The following VANGL2 variants were observed in gnomAD, a reference collection of about 807,000 sequenced individuals.
VANGL2 encodes VANGL planar cell polarity protein 2, also known as vang-like protein 2.
Under a neutral mutation model 50.2 loss-of-function variants are expected in VANGL2, and 14 were observed. The observed-to-expected ratio is 0.28, with a 90% CI of 0.18 to 0.44. The LOEUF is 0.44. VANGL2 is among the 20% of genes least tolerant of loss of function. The pLI is 1.00. For synonymous variants in VANGL2, 295 were observed against 297.2 expected (o/e 0.99, Z 0.08); for missense variants, 533 against 701.5 (o/e 0.76, Z 2.71).
At chr1:160,421,292 A>C (rs998146599) in intron 6 of VANGL2, 105 bp downstream of exon 6, 7 of 1,465,684 alleles carry the variant, frequency 4.8e-6, no homozygotes, top group Non-Finnish European at 4.7e-6. Flanking sequence ...CAATGATGAC[A>C]TGAGTTGGGG....
chr1:160,415,939 C>T (rs376795895), intron 2 of VANGL2, 31 bp downstream of exon 2: 122 of 1,614,038 alleles, frequency 7.6e-5, no homozygotes, highest in Non-Finnish European at 9.6e-5. Flanking sequence ...ACATGCGTGG[C>T]GGAGGGAGGG....
intron 3 of VANGL2, among the ~76,000 whole-genome samples, chr1:160,417,060 A>G (rs1651087647): frequency 6.6e-6 from 1 of 152,050 alleles, no homozygotes; most frequent in African/African-American, 2.4e-5. Flanking sequence ...ACCCTGAGAC[A>G]TGACCAGCTC....
intron 1 of VANGL2, among the ~76,000 whole-genome samples, chr1:160,413,498 G>A (rs1003027043): frequency 6.6e-6 from 1 of 151,988 alleles, no homozygotes; most frequent in Non-Finnish European, 1.5e-5. Context: ...TCCTGACCTC[G>A]TGATCCACCC....
At position 160,419,386 on chromosome 1, in the gene VANGL2, G is replaced by T. The variant is rs770440603; in HGVS notation, c.577G>T (p.Val193Leu). 3 of 1,612,346 alleles carry T rather than the reference G, an allele frequency of 1.9e-6. No individual in the cohort carries two copies. Among genetic ancestry groups the T allele is most frequent in the Non-Finnish European group, 1.7e-6 (2 of 1,180,022 alleles). ...GCTTATGGTGCTGGTTTTCCTGCTC[G>T]TGGTCTCCTACTGGCTCTTCTATGG... ...ALLMVLVFLL[V>L]VSYWLFYGVR... Residue 193 changes from valine (V) to leucine (L), a missense_variant, in exon 4 of 8, where the codon GTG becomes TTG. Val to Leu is a conservative substitution (Grantham distance 32). Transcript: ENST00000368061. This position sits in a 1 kb window ranked among gnomAD's most constrained non-coding sequence, Gnocchi z 5.8.
At chr1:160,413,284 G>GT (rs11401620) in intron 1 of VANGL2, among the ~76,000 whole-genome samples, 48,932 of 144,860 alleles carry the variant, frequency 0.34, 8,160 homozygotes, top group Middle Eastern at 0.36. Context: ...TCCATTTTAG[G>GT]TTTTTTTTTT....
Position 160,425,600 on chromosome 1 carries a change from TC to T in VANGL2, c.*225del. On this transcript the variant is annotated 3_prime_UTR_variant, in exon 8 of 8. Coordinates refer to ENST00000368061, the MANE Select transcript of VANGL2 (RefSeq NM_020335.3). The stretch of plus-strand genomic sequence containing the variant: ...GCTGTCAACAGTACCTGGGAAGGAC[TC>T]CCACCTCACCAACAACTTTTGTATT... 1.8e-6 allele frequency: 1 copy of T among 560,288 alleles called. No homozygotes were observed. The highest frequency in any genetic ancestry group is 3.1e-6 in the Non-Finnish European group (1 of 317,586). The allele number at this position is 560,288 out of a possible 1,614,324, so 34.7% of individuals were successfully genotyped here. A position where few individuals can be genotyped will look rare whatever the true frequency, so the allele number is the denominator to read the frequency against.
chr1:160,414,867 G>A (rs770944073), intron 1 of VANGL2, among the ~76,000 whole-genome samples: 42 of 152,010 alleles, frequency 2.8e-4, no homozygotes, highest in Non-Finnish European at 4.9e-4. Context: ...TTAGAGAGAG[G>A]AGAGGTCATT....
intron 2 of VANGL2, 44 bp from the exon 3 acceptor site, chr1:160,416,018 T>C: frequency 6.2e-7 from 1 of 1,614,092 alleles, no homozygotes; most frequent in Non-Finnish European, 8.5e-7. Context: ...AAGACCCTGG[T>C]CCACCACTGG....
Position 160,419,822 on chromosome 1 carries a change from T to C in VANGL2, c.800+213T>C, listed in dbSNP as rs984636598. ...GTACACGGTCTTGGGGCAAGATCAG[T>C]TGGGAGTTATGAGATGGGAATGAAT... On this transcript the variant is annotated intron_variant, in intron 4 of 7. Coordinates refer to ENST00000368061, the MANE Select transcript of VANGL2 (RefSeq NM_020335.3). The surrounding 1 kb of genome is among the most constrained non-coding windows in gnomAD (Gnocchi z 5.8). 1.4e-5 allele frequency among the ~76,000 whole-genome samples: 2 copies of C among 148,058 alleles called. No homozygotes were observed. Among genetic ancestry groups the C allele is most frequent in the African/African-American group, 5.0e-5 (2 of 39,856 alleles).
At position 160,421,259 on chromosome 1, in the gene VANGL2, C is replaced by A. The variant is rs552561534; in HGVS notation, c.1073+72C>A. 22 of 1,580,626 alleles carry A rather than the reference C, an allele frequency of 1.4e-5. No homozygotes were observed. In the African/African-American group the frequency reaches 2.7e-4, roughly 19 times the overall value. On this transcript the variant is annotated intron_variant, in intron 6 of 7. Coordinates refer to ENST00000368061, the MANE Select transcript of VANGL2 (RefSeq NM_020335.3). ...TGGGGAGAGGAAGACCAAGGAACTT[C>A]TGTAACTGCTGGAAATATAGGGCAA...
chr1:160,412,348 C>G (rs1650908888), intron 1 of VANGL2, among the ~76,000 whole-genome samples: 2 of 151,968 alleles, frequency 1.3e-5, no homozygotes, highest in Admixed American at 6.6e-5. Context: ...TCTCCACCCC[C>G]TTCTCTACCC....
chr1:160,413,805 A>G (rs767805204), intron 1 of VANGL2, among the ~76,000 whole-genome samples: 3 of 152,060 alleles, frequency 2.0e-5, no homozygotes, highest in Non-Finnish European at 4.4e-5. Flanking sequence ...ATCTATCCCC[A>G]TAGCTTTTCA....
chr1:160,419,227 C>T lies in VANGL2; in HGVS notation c.418C>T (p.Pro140Ser). ...ACTGCTGTGGCGGGAGGAGCTGGAGCCTTGCGGGACGGCCTGCGAGGGCCT... is the reference window on the plus strand; with the variant it reads ...ACTGCTGTGGCGGGAGGAGCTGGAGTCTTGCGGGACGGCCTGCGAGGGCCT... ...PPLLWREELE[P>S]CGTACEGLFI... Residue 140 changes from proline to serine, a missense_variant, in exon 4 of 8, where the codon CCT (proline) becomes TCT (serine). Transcript: ENST00000368061. This position sits in a 1 kb window ranked among gnomAD's most constrained non-coding sequence, Gnocchi z 5.8. 6.2e-7 allele frequency: 1 copy of T among 1,610,352 alleles called. No individual in the cohort carries two copies. Among genetic ancestry groups the T allele is most frequent in the African/African-American group, 1.3e-5 (1 of 75,016 alleles).
At chr1:160,416,894 G>T (rs1367353518) in intron 3 of VANGL2, among the ~76,000 whole-genome samples, 2 of 152,286 alleles carry the variant, frequency 1.3e-5, no homozygotes, top group South Asian at 2.1e-4. Flanking sequence ...TTGGGGGCTG[G>T]AGATTCCCAG....
At chr1:160,414,657 A>G (rs1650991500) in intron 1 of VANGL2, among the ~76,000 whole-genome samples, 1 of 152,158 alleles carries the variant, frequency 6.6e-6, no homozygotes, top group Non-Finnish European at 1.5e-5. Context: ...TACCTAGCAG[A>G]ATACATGGTT....
In VANGL2 at chr1:160,424,277, G is replaced by A. The variant is rs756021386; in HGVS notation, c.1299G>A (p.Thr433=). Residue 433 remains threonine (T), a synonymous_variant, in exon 7 of 8, where the codon ACG becomes ACA. Coordinates refer to ENST00000368061, the MANE Select transcript of VANGL2 (RefSeq NM_020335.3). ...HLEFCITHDM[T]PKAFLERYLA... ...AATTCTGCATCACGCATGACATGAC[G>A]CCCAAGGTAGGCCTGCCCTGCTGCC... 29 of 1,613,908 alleles carry A rather than the reference G, an allele frequency of 1.8e-5. No homozygotes were observed. The African/African-American group carries it at 2.9e-4, about 16-fold the overall frequency.
intron 1 of VANGL2, among the ~76,000 whole-genome samples, chr1:160,409,830 T>G (rs917444154): frequency 2.6e-5 from 4 of 152,180 alleles, no homozygotes; most frequent in African/African-American, 9.7e-5. Context: ...TCTTGCCACC[T>G]CCATGGCTGA....
chr1:160,415,595 C>T, intron 1 of VANGL2, 53 bp from the exon 2 acceptor site: 1 of 560,968 alleles, frequency 1.8e-6, no homozygotes, highest in Non-Finnish European at 3.2e-6. Flanking sequence ...TTCCTCTGCC[C>T]TGACCCCACA....
At position 160,415,052 on chromosome 1, in the gene VANGL2, T is replaced by C. The variant is rs372737237; in HGVS notation, c.-190-596T>C. 3.2e-4 allele frequency among the ~76,000 whole-genome samples: 49 copies of C among 152,272 alleles called. No individual in the cohort carries two copies. The South Asian group carries it at 7.5e-3, about 23-fold the overall frequency. On this transcript the variant is annotated intron_variant, in intron 1 of 7. Transcript: ENST00000368061. ...CCTCACCCTCACCTGGGGCTGTGCA[T>C]ATGTGTGGCAACCTCAAGGAAGCTG...
Sources: allele counts gnomAD v4.1 joint callset (sites outside exome capture counted in the v4.1 genomes callset), GRCh38; gene constraint gnomAD v4.1.1; non-coding constraint Gnocchi (gnomAD v3.1); transcripts MANE v1.5; gene names NCBI Gene and HGNC (gene_info 2026-07-23, HGNC 2026-07-21).